ASTN2: variants seen among roughly 807,000 people sequenced by gnomAD.
The protein encoded by ASTN2 is astrotactin 2.
Under a neutral mutation model 139.8 loss-of-function variants are expected in ASTN2, and 54 were observed. The ratio of observed to expected loss-of-function variants is 0.39; its 90% confidence interval spans 0.31 to 0.48. The LOEUF is 0.48. ASTN2 is among the 20% of genes least tolerant of loss of function. The pLI is 0.95. For synonymous variants in ASTN2, 756 were observed against 719.5 expected (o/e 1.05, Z -0.81); for missense variants, 1,565 against 1,725.1 (o/e 0.91, Z 1.64).
chr9:116,692,229 C>T (rs886983782), intron 16 of ASTN2, among the ~76,000 whole-genome samples: 2 of 152,170 alleles, frequency 1.3e-5, no homozygotes, highest in South Asian at 2.1e-4. Flanking sequence ...AACCTTAGAT[C>T]ATCTCTAATC....
chr9:116,490,303 A>AAAAAAAAAAAAAAAAAAAAAAAAAAG (rs1564314423), intron 19 of ASTN2, among the ~76,000 whole-genome samples: 2 of 104,516 alleles, frequency 1.9e-5, no homozygotes, highest in Non-Finnish European at 4.0e-5. Context: ...AAAAAAAAAA[A>AAAAAAAAAAAAAAAAAAAAAAAAAAG]GGGGGCATTG....
chr9:116,904,888 C>T (rs957803398), intron 10 of ASTN2, among the ~76,000 whole-genome samples: 1 of 152,150 alleles, frequency 6.6e-6, no homozygotes, highest in African/African-American at 2.4e-5. Flanking sequence ...GGTAACGTTA[C>T]AGCTCTATGT....
chr9:116,565,270 C>G (rs894021319), intron 19 of ASTN2, among the ~76,000 whole-genome samples: 1 of 145,808 alleles, frequency 6.9e-6, no homozygotes, highest in African/African-American at 2.6e-5. Flanking sequence ...ATGCCCCATA[C>G]TGAGGAGATT....
chr9:117,229,148 G>C (rs966357622), intron 2 of ASTN2, among the ~76,000 whole-genome samples: 4 of 152,126 alleles, frequency 2.6e-5, no homozygotes, highest in Admixed American at 6.5e-5. Context: ...TTCCACCCCT[G>C]CTGGCAGGAC....
At chr9:116,887,379 G>A (rs114719821) in intron 10 of ASTN2, among the ~76,000 whole-genome samples, 3,550 of 151,954 alleles carry the variant, frequency 0.023, 137 homozygotes, top group African/African-American at 0.081. Context: ...TAGGATGGGA[G>A]GGGTGCAGGA....
intron 1 of ASTN2, among the ~76,000 whole-genome samples, chr9:117,358,844 C>CTGCT (rs1190860876): frequency 6.6e-6 from 1 of 152,224 alleles, no homozygotes; most frequent in Admixed American, 6.5e-5. Flanking sequence ...CCCATCCCTG[C>CTGCT]TGCTTGAAGT....
intron 10 of ASTN2, among the ~76,000 whole-genome samples, chr9:116,883,000 G>A (rs1012423163): frequency 1.3e-5 from 2 of 152,122 alleles, no homozygotes; most frequent in Admixed American, 6.5e-5. Context: ...ATCAAAACTC[G>A]AAGTGTTCGT....
At chr9:117,045,119 CCCACAAAA>C (rs1424475795) in intron 5 of ASTN2, among the ~76,000 whole-genome samples, 14 of 152,018 alleles carry the variant, frequency 9.2e-5, no homozygotes, top group African/African-American at 2.4e-4. Context: ...TCCTGGCTTA[CCCACAAAA>C]TCTCTGTGTG....
intron 7 of ASTN2, among the ~76,000 whole-genome samples, chr9:116,997,395 A>G (rs1837056773): frequency 1.3e-5 from 2 of 152,218 alleles, no homozygotes; most frequent in African/African-American, 2.4e-5. Context: ...TAGTTTCCCT[A>G]CAACCCATAC....
intron 7 of ASTN2, among the ~76,000 whole-genome samples, chr9:117,003,953 C>CGCGCGCGCGTGTGTGTGTGTGT (rs1218309835): frequency 7.5e-5 from 11 of 146,220 alleles, no homozygotes; most frequent in African/African-American, 2.9e-4. Context: ...CGCGCGCGCG[C>CGCGCGCGCGTGTGTGTGTGTGT]GTGTGTGTGT....
chr9:116,622,200 G>A (rs1246218560), intron 17 of ASTN2, among the ~76,000 whole-genome samples: 2 of 152,158 alleles, frequency 1.3e-5, no homozygotes, highest in African/African-American at 2.4e-5. Flanking sequence ...CCTTCTGAGT[G>A]ATCCAGAACA....
chr9:116,918,187 T>A (rs1379045666), intron 10 of ASTN2, among the ~76,000 whole-genome samples: 1 of 152,198 alleles, frequency 6.6e-6, no homozygotes, highest in Non-Finnish European at 1.5e-5. Context: ...TGTGTATGTC[T>A]TTATCAGTAG....
At chr9:116,939,326 T>G (rs537389764) in intron 10 of ASTN2, among the ~76,000 whole-genome samples, 7 of 152,168 alleles carry the variant, frequency 4.6e-5, no homozygotes, top group Non-Finnish European at 8.8e-5. Context: ...ATCACTTTTA[T>G]TATAACAATA....
intron 20 of ASTN2, among the ~76,000 whole-genome samples, chr9:116,458,150 A>T (rs769914412): frequency 6.6e-6 from 1 of 151,968 alleles, no homozygotes; most frequent in Non-Finnish European, 1.5e-5. Flanking sequence ...TAAAATTAAA[A>T]ACAAAAAAAA....
chr9:117,082,922 G>A (rs146488320), intron 5 of ASTN2, among the ~76,000 whole-genome samples: 227 of 152,180 alleles, frequency 1.5e-3, no homozygotes, highest in East Asian at 0.012. Flanking sequence ...GCCACCTCTC[G>A]TCCATATTTC....
At chr9:116,629,659 T>C (rs1005988832) in intron 17 of ASTN2, among the ~76,000 whole-genome samples, 2 of 152,132 alleles carry the variant, frequency 1.3e-5, no homozygotes, top group South Asian at 4.2e-4. Flanking sequence ...GCTCAATCTA[T>C]TGCTCTATAA....
At chr9:117,003,145 G>T (rs1010374642) in intron 7 of ASTN2, among the ~76,000 whole-genome samples, 1 of 152,160 alleles carries the variant, frequency 6.6e-6, no homozygotes, top group African/African-American at 2.4e-5. Context: ...AGAAGATGAG[G>T]TGAAAGAAAC....
At chr9:116,487,959 AATTGCCACTGTTAGGC>A (rs1849394326) in intron 19 of ASTN2, among the ~76,000 whole-genome samples, 1 of 152,214 alleles carries the variant, frequency 6.6e-6, no homozygotes, top group African/African-American at 2.4e-5. Flanking sequence ...TTTCATGTCA[AATTGCCACTGTTAGGC>A]ATGGGTACTG....
intron 10 of ASTN2, among the ~76,000 whole-genome samples, chr9:116,933,979 C>CTTTTTTTTTTTTTTTTTTTTTTTTGT (rs148724828): frequency 1.2e-5 from 1 of 86,908 alleles, no homozygotes; most frequent in Non-Finnish European, 2.2e-5. Flanking sequence ...AGTGTTAGTC[C>CTTTTTTTTTTTTTTTTTTTTTTTTGT]TTTTTTTTTT....
Sources: gnomAD v4.1 joint callset for allele counts (sites outside exome capture counted in the v4.1 genomes callset) on GRCh38, gnomAD v4.1.1 for gene constraint, MANE v1.5 for transcripts, NCBI Gene and HGNC (gene_info 2026-07-23, HGNC 2026-07-21) for gene names.